TRPM3: variants seen among roughly 807,000 people sequenced by gnomAD.
TRPM3 encodes transient receptor potential cation channel subfamily M member 3.
TRPM3 carries 77 observed loss-of-function variants against 181.2 expected under a neutral mutation model. The observed-to-expected ratio is 0.42, with a 90% CI of 0.35 to 0.51. The LOEUF (loss-of-function observed/expected upper bound fraction) is 0.51, where lower values mean the gene tolerates loss of function less well. Ranked by LOEUF, TRPM3 falls within the 20% of genes least tolerant of loss-of-function variation. The pLI, the probability that TRPM3 is intolerant of heterozygous loss-of-function variation, is 0.01. For synonymous variants in TRPM3, 745 were observed against 796.4 expected, an observed-to-expected ratio of 0.94 and a Z score of 1.09; for missense variants, 1,759 against 2,196.7, an observed-to-expected ratio of 0.80 and a Z score of 3.98.
intron 25 of TRPM3, among the ~76,000 whole-genome samples, chr9:70,541,574 C>T (rs187226165): frequency 4.2e-5 from 6 of 143,746 alleles, no homozygotes; most frequent in African/African-American, 7.8e-5. Flanking sequence ...TGGAGTGGTG[C>T]GATCTCGGTT....
At chr9:70,580,117 C>T (rs2055241725) in intron 22 of TRPM3, among the ~76,000 whole-genome samples, 1 of 152,146 alleles carries the variant, frequency 6.6e-6, no homozygotes, top group South Asian at 2.1e-4. Context: ...GTTGTTGCTC[C>T]TGTTTTAGAA....
chr9:70,887,854 T>C (rs747735798), intron 1 of TRPM3, among the ~76,000 whole-genome samples: 6 of 152,192 alleles, frequency 3.9e-5, no homozygotes, highest in Non-Finnish European at 8.8e-5. Flanking sequence ...ATACAGTCTA[T>C]AAAGTACTAT....
At chr9:70,691,667 A>T (rs1220517114) in intron 8 of TRPM3, among the ~76,000 whole-genome samples, 1 of 152,222 alleles carries the variant, frequency 6.6e-6, no homozygotes, top group African/African-American at 2.4e-5. Flanking sequence ...AAGAAATGCA[A>T]TTCAGAGGCT....
chr9:71,187,618 C>T (rs2077751826), intron 1 of TRPM3, among the ~76,000 whole-genome samples: 1 of 151,762 alleles, frequency 6.6e-6, no homozygotes, highest in Admixed American at 6.6e-5. Flanking sequence ...TTTATTTTAA[C>T]CAAAGGTTTA....
intron 1 of TRPM3, among the ~76,000 whole-genome samples, chr9:71,152,608 G>A (rs915219395): frequency 6.6e-6 from 1 of 152,108 alleles, no homozygotes. Flanking sequence ...GTCTGTCCTC[G>A]TACGGAGATA....
At chr9:71,358,062 G>A (rs980304330) in intron 1 of TRPM3, among the ~76,000 whole-genome samples, 7 of 152,082 alleles carry the variant, frequency 4.6e-5, no homozygotes, top group Admixed American at 4.6e-4. Flanking sequence ...TGTATTTTAA[G>A]AGAACACAAT....
chr9:71,356,064 T>G (rs1181187112), intron 1 of TRPM3, among the ~76,000 whole-genome samples: 1 of 152,128 alleles, frequency 6.6e-6, no homozygotes, highest in African/African-American at 2.4e-5. Context: ...ATCATGAAAC[T>G]TCAGGCAATA....
intron 1 of TRPM3, among the ~76,000 whole-genome samples, chr9:71,078,415 A>AT (rs2133694872): frequency 6.6e-6 from 1 of 152,294 alleles, no homozygotes; most frequent in South Asian, 2.1e-4. Flanking sequence ...CATGAAAGGA[A>AT]TTTTTAATAG....
intron 9 of TRPM3, among the ~76,000 whole-genome samples, chr9:70,650,019 C>T (rs2059405823): frequency 1.3e-5 from 2 of 152,144 alleles, no homozygotes; most frequent in South Asian, 4.1e-4. Context: ...AATATGGATG[C>T]AGCTGGAGGC....
At chr9:70,841,725 T>C (rs2094680188) in intron 5 of TRPM3, among the ~76,000 whole-genome samples, 1 of 147,434 alleles carries the variant, frequency 6.8e-6, no homozygotes, top group Non-Finnish European at 1.5e-5. Context: ...CCACCATATA[T>C]ATATATATAT....
chr9:71,179,668 C>G (rs764768174), intron 1 of TRPM3, among the ~76,000 whole-genome samples: 3 of 152,082 alleles, frequency 2.0e-5, no homozygotes, highest in Non-Finnish European at 4.4e-5. Flanking sequence ...GGGCAGGACG[C>G]TAACTTAGCC....
intron 1 of TRPM3, among the ~76,000 whole-genome samples, chr9:71,090,105 G>A (rs1437439258): frequency 6.6e-6 from 1 of 152,146 alleles, no homozygotes; most frequent in African/African-American, 2.4e-5. Context: ...ACAGCATAGG[G>A]CAGGGGCGGT....
At chr9:71,196,374 T>C (rs1179083412) in intron 1 of TRPM3, among the ~76,000 whole-genome samples, 1 of 152,028 alleles carries the variant, frequency 6.6e-6, no homozygotes, top group East Asian at 1.9e-4. Flanking sequence ...ATCATGAATC[T>C]ACTCAATTTT....
At chr9:70,538,588 T>C (rs965664126) in intron 25 of TRPM3, among the ~76,000 whole-genome samples, 12 of 151,834 alleles carry the variant, frequency 7.9e-5, no homozygotes, top group South Asian at 2.1e-4. Context: ...GCTACCATGC[T>C]AGCTGTTTTT....
At chr9:70,667,537 A>T (rs955990392) in intron 9 of TRPM3, among the ~76,000 whole-genome samples, 4 of 152,132 alleles carry the variant, frequency 2.6e-5, no homozygotes, top group African/African-American at 9.7e-5. Flanking sequence ...TAGACCAGAA[A>T]ATCTGTTTTA....
At chr9:71,121,731 A>G (rs2073676993), upstream of TRPM3, 1 of 613,390 alleles carries the variant, frequency 1.6e-6, no homozygotes, top group Non-Finnish European at 2.1e-6. Context: ...GAGGATCGCA[A>G]AAGGGAACAA....
At chr9:71,425,777 G>C (rs1037241277) in intron 1 of TRPM3, among the ~76,000 whole-genome samples, 3 of 151,988 alleles carry the variant, frequency 2.0e-5, no homozygotes, top group Non-Finnish European at 4.4e-5. Context: ...GACCCATAAG[G>C]GGGTACTATA....
At chr9:71,377,632 A>T (rs534458004) in intron 1 of TRPM3, among the ~76,000 whole-genome samples, 1 of 152,028 alleles carries the variant, frequency 6.6e-6, no homozygotes, top group African/African-American at 2.4e-5. Context: ...TTATTGAAGT[A>T]TAACATATAT....
At chr9:71,183,613 G>C (rs2058920394) in intron 1 of TRPM3, among the ~76,000 whole-genome samples, 1 of 151,980 alleles carries the variant, frequency 6.6e-6, no homozygotes, top group African/African-American at 2.4e-5. Flanking sequence ...TTCCCAATAT[G>C]TATTAAAGAT....
Sources: gnomAD v4.1 joint callset for allele counts (sites outside exome capture counted in the v4.1 genomes callset) on GRCh38, gnomAD v4.1.1 for gene constraint, MANE v1.5 for transcripts, NCBI Gene and HGNC (gene_info 2026-07-23, HGNC 2026-07-21) for gene names.